Variants in THSD4 observed in about 807,000 individuals in gnomAD.
THSD4 encodes the protein thrombospondin type 1 domain containing 4.
In THSD4, 69 loss-of-function variants were observed where a neutral mutation model predicts 119.0. That is an observed-to-expected ratio of 0.58 (90% CI 0.48 to 0.71). THSD4 has a LOEUF of 0.71. Among genes scored for constraint, THSD4 ranks in the 30% least tolerant of loss-of-function variants. THSD4 has a pLI of 0.00. For synonymous variants in THSD4, 524 were observed against 540.4 expected (o/e 0.97, Z 0.42); for missense variants, 1,393 against 1,391.1 (o/e 1.00, Z -0.02).
intron 8 of THSD4, among the ~76,000 whole-genome samples, chr15:71,713,602 C>T (rs1195077987): frequency 6.6e-6 from 1 of 152,148 alleles, no homozygotes; most frequent in Non-Finnish European, 1.5e-5. Context: ...CTCCCATCGC[C>T]ATGACAACCA....
chr15:71,446,273 A>C (rs1189688135), intron 7 of THSD4, among the ~76,000 whole-genome samples: 3 of 152,186 alleles, frequency 2.0e-5, no homozygotes, highest in Non-Finnish European at 2.9e-5. Flanking sequence ...AGTTGTGTAG[A>C]TAAGTATAGC....
At chr15:71,432,121 TA>T (rs1293347057) in intron 7 of THSD4, among the ~76,000 whole-genome samples, 5 of 152,030 alleles carry the variant, frequency 3.3e-5, no homozygotes, top group Non-Finnish European at 7.4e-5. Flanking sequence ...TTGGAACACA[TA>T]TTACACATTT....
At chr15:71,253,979 G>T (rs1188320469) in intron 5 of THSD4, among the ~76,000 whole-genome samples, 1 of 152,146 alleles carries the variant, frequency 6.6e-6, no homozygotes, top group East Asian at 1.9e-4. Context: ...ATGTGCATTG[G>T]TTTGTGGTCT....
At chr15:71,612,895 G>A (rs995957768) in intron 7 of THSD4, among the ~76,000 whole-genome samples, 3 of 152,242 alleles carry the variant, frequency 2.0e-5, no homozygotes, top group African/African-American at 7.2e-5. Context: ...TCAGTAGGAA[G>A]AAGTAAACTC....
intron 7 of THSD4, among the ~76,000 whole-genome samples, 193 bp downstream of exon 7, chr15:71,412,016 C>T (rs1364614365): frequency 6.6e-6 from 1 of 152,164 alleles, no homozygotes; most frequent in East Asian, 1.9e-4. Context: ...GATCTTTGGG[C>T]GTCACCAGGT....
At chr15:71,774,392 G>A (rs2053877925) in intron 17 of THSD4, among the ~76,000 whole-genome samples, 2 of 151,870 alleles carry the variant, frequency 1.3e-5, no homozygotes, top group South Asian at 2.1e-4. Context: ...AAAAATAATG[G>A]GAGTCCATGT....
At chr15:71,328,988 A>T (rs114600502) in intron 6 of THSD4, among the ~76,000 whole-genome samples, 158 of 152,278 alleles carry the variant, frequency 1.0e-3, no homozygotes, top group African/African-American at 3.6e-3. Context: ...TGGTTCTAGT[A>T]CTACAAGATC....
At chr15:71,299,370 T>G (rs1434847887) in intron 6 of THSD4, among the ~76,000 whole-genome samples, 2 of 152,220 alleles carry the variant, frequency 1.3e-5, no homozygotes, top group Non-Finnish European at 2.9e-5. Context: ...ACCTCTGCTC[T>G]GAAACTTGCA....
intron 6 of THSD4, among the ~76,000 whole-genome samples, chr15:71,325,509 A>G (rs1229896643): frequency 6.6e-6 from 1 of 152,188 alleles, no homozygotes; most frequent in Non-Finnish European, 1.5e-5. Context: ...GATGCAAGGA[A>G]CCTGGATACC....
intron 7 of THSD4, among the ~76,000 whole-genome samples, chr15:71,633,269 C>CTTTTTTTTTT (rs67682951): frequency 1.2e-3 from 74 of 63,178 alleles, no homozygotes; most frequent in Non-Finnish European, 1.9e-3. Context: ...TTCTTTCTTT[C>CTTTTTTTTTT]TTTTTTTTTT....
intron 7 of THSD4, among the ~76,000 whole-genome samples, chr15:71,554,442 G>A (rs1417405844): frequency 6.6e-6 from 1 of 151,998 alleles, no homozygotes; most frequent in African/African-American, 2.4e-5. Flanking sequence ...GGCTGGAAGT[G>A]CAGTGCCCCA....
intron 6 of THSD4, among the ~76,000 whole-genome samples, chr15:71,379,833 TC>T (rs2046205190): frequency 6.6e-6 from 1 of 151,978 alleles, no homozygotes; most frequent in Non-Finnish European, 1.5e-5. Flanking sequence ...AAAAAAAACT[TC>T]AGACAAATTA....
chr15:71,268,799 G>A (rs2044495341), intron 6 of THSD4, among the ~76,000 whole-genome samples: 1 of 151,636 alleles, frequency 6.6e-6, no homozygotes, highest in Non-Finnish European at 1.5e-5. Context: ...TGATCCCACA[G>A]AAATACAAAC....
intron 17 of THSD4, among the ~76,000 whole-genome samples, chr15:71,776,162 C>T (rs2053908858): frequency 6.6e-6 from 1 of 152,126 alleles, no homozygotes; most frequent in Non-Finnish European, 1.5e-5. Flanking sequence ...TTTCAGAGTA[C>T]AGAAGGGTTT....
At chr15:71,589,030 C>G (rs1185612120) in intron 7 of THSD4, among the ~76,000 whole-genome samples, 1 of 152,080 alleles carries the variant, frequency 6.6e-6, no homozygotes, top group East Asian at 1.9e-4. Flanking sequence ...CATTAGGGAC[C>G]TTTTGTGCTT....
At chr15:71,348,768 T>TTAAA (rs1283563899) in intron 6 of THSD4, among the ~76,000 whole-genome samples, 2 of 152,234 alleles carry the variant, frequency 1.3e-5, no homozygotes, top group Non-Finnish European at 2.9e-5. Flanking sequence ...GATGAGCTAT[T>TTAAA]TAAAAGGAAT....
At chr15:71,322,636 T>C (rs923503783) in intron 6 of THSD4, among the ~76,000 whole-genome samples, 1 of 152,040 alleles carries the variant, frequency 6.6e-6, no homozygotes, top group Non-Finnish European at 1.5e-5. Context: ...TGTCATGGGG[T>C]TGCAGTCAGG....
At chr15:71,199,714 GGTGTGTGTGTGT>G (rs2043768643) in intron 3 of THSD4, among the ~76,000 whole-genome samples, 2 of 51,990 alleles carry the variant, frequency 3.8e-5, no homozygotes, top group Admixed American at 3.1e-4. Flanking sequence ...CTGGGTGTGT[GGTGTGTGTGTGT>G]AGTGTGTGTG....
intron 7 of THSD4, among the ~76,000 whole-genome samples, chr15:71,576,393 C>T (rs1471999054): frequency 7.2e-5 from 11 of 152,270 alleles, no homozygotes; most frequent in African/African-American, 2.6e-4. Flanking sequence ...CATTCTCCTT[C>T]CTCCCCTCTC....
Sources: allele counts gnomAD v4.1 joint callset (sites outside exome capture counted in the v4.1 genomes callset), GRCh38; gene constraint gnomAD v4.1.1; transcripts MANE v1.5; gene names NCBI Gene and HGNC (gene_info 2026-07-23, HGNC 2026-07-21).